Variants in CTNNB1 observed in about 807,000 individuals in gnomAD.
CTNNB1 encodes the protein catenin beta-1.
In CTNNB1, 6 loss-of-function variants were observed where a neutral mutation model predicts 82.5. The ratio of observed to expected loss-of-function variants is 0.07; its 90% CI spans 0.04 to 0.14. The LOEUF is 0.14. CTNNB1 is among the 10% of genes least tolerant of loss of function. The probability of loss-of-function intolerance (pLI) is 1.00; values close to 1 mark genes in which losing one functional copy is unlikely to be tolerated. For missense variants in CTNNB1, 529 were observed against 980.4 expected (o/e 0.54, Z 6.15); for synonymous variants, 312 against 329.7 (o/e 0.95, Z 0.58).
intron 11 of CTNNB1, 117 bp from the exon 12 acceptor site, chr3:41,236,232 T>C (rs555040248): frequency 1.7e-6 from 2 of 1,176,906 alleles, no homozygotes; most frequent in African/African-American, 1.5e-5. Context: ...GAGAATATTA[T>C]TTACTACAGT....
intron 10 of CTNNB1, chr3:41,235,066 T>A (rs978335583): frequency 8.4e-5 from 13 of 153,998 alleles, no homozygotes; most frequent in African/African-American, 2.9e-4. Flanking sequence ...TTATTTTAAA[T>A]CTCTTTTCTA....
intron 1 of CTNNB1, among the ~76,000 whole-genome samples, chr3:41,213,825 T>C (rs911725394): frequency 6.6e-6 from 1 of 152,188 alleles, no homozygotes; most frequent in Non-Finnish European, 1.5e-5. Flanking sequence ...TGTATTGAAA[T>C]AACGAAAAGC....
intron 1 of CTNNB1, among the ~76,000 whole-genome samples, chr3:41,201,353 A>T (rs1255181687): frequency 2.6e-5 from 4 of 151,240 alleles, no homozygotes; most frequent in South Asian, 2.1e-4. Context: ...ATCTCTGATT[A>T]AAAAAAAAGT....
rs141493100 is a variant in CTNNB1, at chr3:41,236,472, T to C, written c.1927T>C (p.Leu643=). ...GGGAGCCACAGCTCCTCTGACAGAG[T>C]TACTTCACTCTAGGAATGAAGGTGT... is the stretch of plus-strand genomic sequence containing the variant. ...AEGATAPLTE[L]LHSRNEGVAT... The change falls in exon 12 of 15, where the codon TTA becomes CTA. Residue 643 remains leucine, a synonymous_variant. Coordinates refer to ENST00000349496, the MANE Select transcript of CTNNB1 (RefSeq NM_001904.4). The C allele has an allele frequency of 1.3e-4, 209 of 1,614,202 alleles. 2 individuals are homozygous for C. The African/African-American group carries it at 2.7e-3, about 21-fold the overall frequency.
rs1246590229 is a variant in CTNNB1, at chr3:41,236,247, A to ATATTATTTACTACAGAG, written c.1804-101_1804-100insATTATTTACTACAGAGT. 1.1e-4 allele frequency: 143 copies of ATATTATTTACTACAGAG among 1,315,410 alleles called. No homozygotes were observed. In the East Asian group the frequency reaches 3.0e-3, roughly 28 times the overall value. 81.5% of individuals were successfully genotyped at this position (1,315,410 alleles called of 1,614,324 possible). A position where few individuals can be genotyped will look rare whatever the true frequency, so the allele number is the denominator to read the frequency against. ...GAGAATATTATTTACTACAGTGTGA[A>ATATTATTTACTACAGAG]TGCCTCTTGCACTCTGAATTGGGAA... On this transcript the variant is annotated intron_variant, in intron 11 of 14. Transcript: ENST00000349496.
At chr3:41,212,633 C>T (rs529842034) in intron 1 of CTNNB1, among the ~76,000 whole-genome samples, 17 of 152,284 alleles carry the variant, frequency 1.1e-4, no homozygotes, top group Admixed American at 4.6e-4. Flanking sequence ...CTGTGCTGTT[C>T]AGTTGGTAGC....
intron 6 of CTNNB1, among the ~76,000 whole-genome samples, chr3:41,226,412 T>C (rs2078177261): frequency 1.3e-5 from 2 of 152,276 alleles, no homozygotes; most frequent in South Asian, 2.1e-4. Context: ...AACTGACTCT[T>C]TTTGAGGGTT....
chr3:41,205,995 T>C (rs2077639728), intron 1 of CTNNB1, among the ~76,000 whole-genome samples: 1 of 152,180 alleles, frequency 6.6e-6, no homozygotes, highest in African/African-American at 2.4e-5. Context: ...TGAAAAGGCT[T>C]TTCCACCCCC....
Position 41,239,745 on chromosome 3 carries a change from GAC to G in CTNNB1, c.*408_*409del, listed in dbSNP as rs143836144. On this transcript the variant is annotated 3_prime_UTR_variant, in exon 15 of 15. Transcript: ENST00000349496. ...TGGGCTGGTATCTCAGAAAGTGCCT[GAC>G]ACACTAACCAAGCTGAGTTTCCTAT... 4 of 341,436 alleles carry G rather than the reference GAC, an allele frequency of 1.2e-5. No individual in the cohort carries two copies. The highest frequency in any genetic ancestry group is 2.2e-5 in the Non-Finnish European group (4 of 182,884). 21.2% of individuals were successfully genotyped at this position (341,436 alleles called of 1,614,324 possible). A position where few individuals can be genotyped will look rare whatever the true frequency, so the allele number is the denominator to read the frequency against.
At chr3:41,204,887 GTATT>G (rs538195213) in intron 1 of CTNNB1, among the ~76,000 whole-genome samples, 24 of 152,284 alleles carry the variant, frequency 1.6e-4, no homozygotes, top group Non-Finnish European at 2.4e-4. Context: ...TATTAGGTTT[GTATT>G]TATTTAGGCA....
intron 7 of CTNNB1, among the ~76,000 whole-genome samples, chr3:41,231,843 C>G (rs563642851): frequency 3.2e-4 from 49 of 152,256 alleles, no homozygotes; most frequent in African/African-American, 1.2e-3. Flanking sequence ...CTGAAAGAAT[C>G]ATAGAATGTA....
intron 1 of CTNNB1, among the ~76,000 whole-genome samples, chr3:41,215,919 T>C (rs1461377444): frequency 6.6e-6 from 1 of 152,192 alleles, no homozygotes; most frequent in Non-Finnish European, 1.5e-5. Flanking sequence ...TGAAAGGATA[T>C]AGTTCTTTAC....
intron 7 of CTNNB1, among the ~76,000 whole-genome samples, chr3:41,231,465 T>C (rs776951990): frequency 1.3e-5 from 2 of 152,156 alleles, no homozygotes; most frequent in Non-Finnish European, 2.9e-5. Flanking sequence ...TGCAGGACTT[T>C]CTAGGTTCCT....
chr3:41,209,045 A>G (rs1409372259), intron 1 of CTNNB1, among the ~76,000 whole-genome samples: 1 of 152,198 alleles, frequency 6.6e-6, no homozygotes, highest in African/African-American at 2.4e-5. Flanking sequence ...ATCTGTTAGT[A>G]GTATTTGGCA....
At chr3:41,210,450 G>A (rs1288449687) in intron 1 of CTNNB1, among the ~76,000 whole-genome samples, 5 of 151,820 alleles carry the variant, frequency 3.3e-5, no homozygotes, top group Non-Finnish European at 4.4e-5. Context: ...CGGAAACTCC[G>A]TCTCAAAAAA....
intron 1 of CTNNB1, among the ~76,000 whole-genome samples, chr3:41,218,391 CCTTATAGT>C (rs2077961276): frequency 6.6e-6 from 1 of 152,070 alleles, no homozygotes; most frequent in Non-Finnish European, 1.5e-5. Context: ...ACTGGTTCCT[CCTTATAGT>C]TCTTCTTAAA....
intron 7 of CTNNB1, among the ~76,000 whole-genome samples, chr3:41,231,184 G>A (rs929777057): frequency 3.3e-5 from 5 of 152,120 alleles, no homozygotes; most frequent in African/African-American, 9.7e-5. Context: ...AAAGTTAGCC[G>A]GGCGTGGTGG....
intron 1 of CTNNB1, among the ~76,000 whole-genome samples, chr3:41,213,667 C>T (rs1408197556): frequency 6.6e-6 from 1 of 152,076 alleles, no homozygotes; most frequent in Non-Finnish European, 1.5e-5. Flanking sequence ...ACAGAAATAT[C>T]CCTTTTGATT....
In CTNNB1 at chr3:41,240,146, A is replaced by G. The variant is rs898602973; in HGVS notation, c.*804A>G. 1 of 207,910 alleles carries G rather than the reference A, an allele frequency of 4.8e-6. No individual in the cohort carries two copies. The highest frequency in any genetic ancestry group is 9.8e-6 in the Non-Finnish European group (1 of 101,696). The allele number at this position is 207,910 out of a possible 1,614,324, so 12.9% of individuals were successfully genotyped here. A position where few individuals can be genotyped will look rare whatever the true frequency, so the allele number is the denominator to read the frequency against. On this transcript the variant is annotated 3_prime_UTR_variant, in exon 15 of 15. Transcript: ENST00000349496. ...CACTCTAATTAATTGTAATCTGAAT[A>G]AAGTGTAACAATTGTGTAGCCTTTT...
Sources: gnomAD v4.1 joint callset for allele counts (sites outside exome capture counted in the v4.1 genomes callset) on GRCh38, gnomAD v4.1.1 for gene constraint, MANE v1.5 for transcripts, NCBI Gene and HGNC (gene_info 2026-07-23, HGNC 2026-07-21) for gene names.